The following SEC23B variants were observed in gnomAD, a reference collection of about 807,000 sequenced individuals.
SEC23B encodes the protein SEC23 homolog B, COPII component, also known as protein transport protein Sec23B.
In SEC23B, 77 loss-of-function variants were observed where a neutral mutation model predicts 104.3. The ratio of observed to expected loss-of-function variants is 0.74; its 90% CI spans 0.61 to 0.89. The LOEUF (loss-of-function observed/expected upper bound fraction) is 0.89, where lower values mean the gene tolerates loss of function less well. Ranked by LOEUF, SEC23B falls within the 40% of genes least tolerant of loss-of-function variation. The probability of loss-of-function intolerance (pLI) is 0.00; values close to 1 mark genes in which losing one functional copy is unlikely to be tolerated. For missense variants in SEC23B, 885 were observed against 949.4 expected (o/e 0.93, Z 0.89); for synonymous variants, 338 against 332.5 (o/e 1.02, Z -0.18).
At chr20:18,535,824 T>C in intron 12 of SEC23B, 82 bp downstream of exon 12, 1 of 1,073,262 alleles carries the variant, frequency 9.3e-7, no homozygotes. Context: ...TCTGGTTACT[T>C]TCTTCACAAA....
chr20:18,538,910 A>G (rs2060261108), intron 12 of SEC23B, among the ~76,000 whole-genome samples: 1 of 152,004 alleles, frequency 6.6e-6, no homozygotes, highest in African/African-American at 2.4e-5. Flanking sequence ...TCATCTTTTT[A>G]ATTAAAAAAA....
chr20:18,554,501 C>G lies in SEC23B; in HGVS notation c.2148+111C>G. ...TTTTATGTGATGACATAAATTGACA[C>G]ACAGGTAATCTTCCAAATATGACTT... On this transcript the variant is annotated intron_variant, in intron 18 of 19. Coordinates refer to ENST00000650089, the MANE Select transcript of SEC23B (RefSeq NM_006363.6). 2.2e-6 allele frequency: 3 copies of G among 1,351,138 alleles called. No homozygotes were observed. In the South Asian group the frequency reaches 3.5e-5, roughly 16 times the overall value. 83.7% of individuals were successfully genotyped at this position (1,351,138 alleles called of 1,614,324 possible).
intron 10 of SEC23B, 119 bp from the exon 11 acceptor site, chr20:18,532,545 G>A: frequency 1.2e-6 from 1 of 812,082 alleles, no homozygotes; most frequent in Non-Finnish European, 2.2e-6. Context: ...TCCCTGTGGA[G>A]TTTTCTCTTG....
intron 14 of SEC23B, 116 bp downstream of exon 14, chr20:18,543,288 A>G: frequency 7.8e-7 from 1 of 1,281,638 alleles, no homozygotes; most frequent in Non-Finnish European, 1.1e-6. Flanking sequence ...TCAGTTGCCT[A>G]CCTTATGCTG....
chr20:18,524,902 G>A lies in SEC23B; in HGVS notation c.604-33G>A, dbSNP rs747893046. The A allele has an allele frequency of 1.3e-5, 21 of 1,605,400 alleles. No homozygotes were observed. The South Asian group carries it at 2.2e-4, about 17-fold the overall frequency. On this transcript the variant is annotated intron_variant, in intron 5 of 19. Coordinates refer to ENST00000650089, the MANE Select transcript of SEC23B (RefSeq NM_006363.6). Reference sequence around the variant, plus strand: ...TAGTCATTCACTTTTAGTGTCATTGGAAATGAATCTTTTTGGCTTTTTTTT... The same window carrying A: ...TAGTCATTCACTTTTAGTGTCATTGAAAATGAATCTTTTTGGCTTTTTTTT...
chr20:18,515,735 A>G lies in SEC23B; in HGVS notation c.365A>G (p.Gln122Arg). Residue 122 changes from glutamine (Q) to arginine (R), a missense_variant and splice_region_variant, in exon 4 of 20, where the codon CAG becomes CGG. By Grantham distance (43) the Gln-to-Arg change is conservative. Transcript: ENST00000650089. ...PQFSTIEYVI[Q>R]RGAQSPLIFL... ...TTTTCTACAATTGAGTACGTGATAC[A>G]GGTAATTTCTTTGTTGTGCATTTAA... 2.5e-6 allele frequency: 4 copies of G among 1,573,936 alleles called. No homozygotes were observed. The highest frequency in any genetic ancestry group is 3.5e-6 in the Non-Finnish European group (4 of 1,143,406).
Position 18,535,670 on chromosome 20 carries a change from C to T in SEC23B, c.1332C>T (p.Gly444=), listed in dbSNP as rs946018164. Residue 444 remains glycine (G), a synonymous_variant, in exon 12 of 20, where the codon GGC becomes GGT. Coordinates refer to ENST00000650089, the MANE Select transcript of SEC23B (RefSeq NM_006363.6). ...ACCCCCAGGAGCTTGGTGTTGGTGG[C>T]ACGAGTCAGTGGAAAATCTGTGGCC... ...CVSENELGVG[G]TSQWKICGLD... The T allele has an allele frequency of 1.2e-6, 2 of 1,613,922 alleles. No individual in the cohort carries two copies. The highest frequency in any genetic ancestry group is 2.7e-5 in the African/African-American group (2 of 74,928).
rs762939618 is a variant in SEC23B at position 18,548,520 on chromosome 20, A to G, written c.1744-89A>G. Reference sequence around the variant, plus strand: ...AGAGAGCCCTTTTCTGGGTTCTCCTATTTCAGAGCCCTGAGGTAGATCTAC... The same window carrying G: ...AGAGAGCCCTTTTCTGGGTTCTCCTGTTTCAGAGCCCTGAGGTAGATCTAC... On this transcript the variant is annotated intron_variant, in intron 15 of 19. Transcript: ENST00000650089. 59 of 1,347,586 alleles carry G rather than the reference A, an allele frequency of 4.4e-5. 1 individual carries two copies. The highest frequency in any genetic ancestry group is 1.8e-4 in the Middle Eastern group (1 of 5,554). 83.5% of individuals were successfully genotyped at this position (1,347,586 alleles called of 1,614,324 possible).
At chr20:18,527,071 G>A (rs1297675899) in intron 8 of SEC23B, among the ~76,000 whole-genome samples, 1 of 152,234 alleles carries the variant, frequency 6.6e-6, no homozygotes, top group Non-Finnish European at 1.5e-5. Flanking sequence ...ACAAAAATTA[G>A]CTGGGCATGG....
At chr20:18,512,706 A>G (rs897247625) in intron 3 of SEC23B, among the ~76,000 whole-genome samples, 1 of 152,184 alleles carries the variant, frequency 6.6e-6, no homozygotes, top group Non-Finnish European at 1.5e-5. Flanking sequence ...AAAAATTTTA[A>G]AAGTACCAAA....
chr20:18,516,962 G>A (rs1287474720), intron 4 of SEC23B, among the ~76,000 whole-genome samples: 2 of 152,072 alleles, frequency 1.3e-5, no homozygotes. Flanking sequence ...CATTGAATCT[G>A]TAGTTCACTA....
In SEC23B at chr20:18,560,845, A is replaced by G; in HGVS notation, c.*105A>G. ...CTTTTCTAGCAGATTTTAACAAATA[A>G]TCAAGGACATTTTATATGTAACTCT... On this transcript the variant is annotated 3_prime_UTR_variant, in exon 20 of 20. Coordinates refer to ENST00000650089, the MANE Select transcript of SEC23B (RefSeq NM_006363.6). The G allele has an allele frequency of 1.2e-6, 1 of 842,154 alleles. No individual in the cohort carries two copies. Among genetic ancestry groups the G allele is most frequent in the Non-Finnish European group, 2.1e-6 (1 of 485,728 alleles). The allele number at this position is 842,154 out of a possible 1,614,324, so 52.2% of individuals were successfully genotyped here. A position where few individuals can be genotyped will look rare whatever the true frequency, so the allele number is the denominator to read the frequency against.
chr20:18,555,977 T>C (rs1360468064), intron 19 of SEC23B, among the ~76,000 whole-genome samples: 1 of 151,276 alleles, frequency 6.6e-6, no homozygotes, highest in African/African-American at 2.4e-5. Flanking sequence ...TGGTCCCAGC[T>C]GGGGGTGACG....
intron 17 of SEC23B, among the ~76,000 whole-genome samples, chr20:18,552,728 C>T (rs529435028): frequency 3.2e-4 from 48 of 152,156 alleles, no homozygotes; most frequent in South Asian, 2.1e-4. Flanking sequence ...GCAGGAGAAT[C>T]GCTTGAACTC....
intron 12 of SEC23B, among the ~76,000 whole-genome samples, chr20:18,539,488 C>T (rs183089918): frequency 0.099 from 11,971 of 121,372 alleles, 675 homozygotes; most frequent in East Asian, 0.25. Context: ...CCAGCCTGGG[C>T]GACAGAGCAA....
Position 18,545,971 on chromosome 20 carries a change from C to T in SEC23B, c.1681C>T (p.Gln561Ter). 1.3e-6 allele frequency: 2 copies of T among 1,582,554 alleles called. No individual in the cohort carries two copies. The highest frequency in any genetic ancestry group is 1.7e-6 in the Non-Finnish European group (2 of 1,151,342). Residue 561 changes from glutamine to a stop codon, truncating the protein, a stop_gained, in exon 15 of 20, where the codon CAG becomes TAG. Transcript: ENST00000650089. LOFTEE classifies it high-confidence loss of function. ...CTTTCCATAGTGTCAAAAGTTTGGA[C>T]AGTATAACAAAGAAGACCCCACTTC... ...QLIRLCQKFGQYNKEDPTSFR... is the reference protein window; with the variant it reads ...QLIRLCQKFG
intron 13 of SEC23B, 109 bp from the exon 14 acceptor site, chr20:18,542,910 A>T: frequency 7.1e-7 from 1 of 1,408,226 alleles, no homozygotes; most frequent in Non-Finnish European, 1.0e-6. Flanking sequence ...AAGTGTTGGG[A>T]TTTCAGGAAT....
intron 19 of SEC23B, among the ~76,000 whole-genome samples, chr20:18,560,122 AT>A (rs386393450): frequency 1.3e-5 from 2 of 151,678 alleles, no homozygotes; most frequent in African/African-American, 4.8e-5. Flanking sequence ...ATATATATAT[AT>A]TTTTAATTTC....
intron 8 of SEC23B, 34 bp from the exon 9 acceptor site, chr20:18,527,462 C>T: frequency 8.4e-7 from 1 of 1,196,814 alleles, no homozygotes; most frequent in Non-Finnish European, 1.3e-6. Context: ...AATAATGTCA[C>T]TGTTTCCTAA....
Sources: allele counts gnomAD v4.1 joint callset (sites outside exome capture counted in the v4.1 genomes callset), GRCh38; gene constraint gnomAD v4.1.1; transcripts MANE v1.5; gene names NCBI Gene and HGNC (gene_info 2026-07-23, HGNC 2026-07-21).